Variants in TTC28 observed in about 807,000 individuals in gnomAD.
The protein encoded by TTC28 is tetratricopeptide repeat domain 28, also known as tetratricopeptide repeat protein 28.
In TTC28, 61 loss-of-function variants were observed where a neutral mutation model predicts 198.0. The observed-to-expected ratio is 0.31, with a 90% CI of 0.25 to 0.38. The LOEUF (loss-of-function observed/expected upper bound fraction) is 0.38. TTC28 is among the 10% of genes least tolerant of loss of function. The probability of loss-of-function intolerance (pLI) is 1.00; values close to 1 mark genes in which losing one functional copy is unlikely to be tolerated. For synonymous variants in TTC28, 1,171 were observed against 1,297.8 expected, an observed-to-expected ratio of 0.90 and a Z score of 2.10; for missense variants, 2,678 against 3,164.0, an observed-to-expected ratio of 0.85 and a Z score of 3.69.
At chr22:28,116,129 C>G (rs1942622388) in intron 6 of TTC28, among the ~76,000 whole-genome samples, 1 of 152,150 alleles carries the variant, frequency 6.6e-6, no homozygotes, top group South Asian at 2.1e-4. Flanking sequence ...GGAGCAGGGT[C>G]AGTTCCTCTT....
chr22:28,677,367 C>A (rs969567195), intron 1 of TTC28, among the ~76,000 whole-genome samples: 2 of 151,812 alleles, frequency 1.3e-5, no homozygotes, highest in Non-Finnish European at 2.9e-5. Flanking sequence ...CAAAGATTGG[C>A]TGGGGGCAGT....
At chr22:28,256,006 C>G (rs1930885277) in intron 5 of TTC28, among the ~76,000 whole-genome samples, 1 of 151,712 alleles carries the variant, frequency 6.6e-6, no homozygotes, top group South Asian at 2.1e-4. Context: ...GGAAGAGTGA[C>G]TAGTCAGGAA....
intron 14 of TTC28, chr22:28,008,446 T>C (rs1404613278): frequency 1.3e-5 from 2 of 152,242 alleles, no homozygotes. Context: ...CCACACTTCA[T>C]GAATCACAAG....
At chr22:28,645,398 G>A (rs192819217) in intron 1 of TTC28, among the ~76,000 whole-genome samples, 116 of 152,094 alleles carry the variant, frequency 7.6e-4, no homozygotes, top group African/African-American at 2.6e-3. Flanking sequence ...GGAGGCCAAG[G>A]TGGGGGGATC....
intron 2 of TTC28, among the ~76,000 whole-genome samples, chr22:28,460,283 T>G (rs1027760846): frequency 1.3e-5 from 2 of 152,198 alleles, no homozygotes; most frequent in African/African-American, 2.4e-5. Context: ...GATGCTTTTT[T>G]TGTTTAACTA....
At position 27,993,288 on chromosome 22, in the gene TTC28, C is replaced by T. The variant is rs1460431951; in HGVS notation, c.5475G>A (p.Leu1825=). 1.3e-6 allele frequency: 2 copies of T among 1,528,614 alleles called. No individual in the cohort carries two copies. Among genetic ancestry groups the T allele is most frequent in the Non-Finnish European group, 1.8e-6 (2 of 1,137,164 alleles). The allele number at this position is 1,528,614 out of a possible 1,614,324, so 94.7% of individuals were successfully genotyped here. A position where few individuals can be genotyped will look rare whatever the true frequency, so the allele number is the denominator to read the frequency against. Residue 1825 remains leucine (L), a splice_region_variant and synonymous_variant, in exon 18 of 23, where the codon CTG becomes CTA. Coordinates refer to ENST00000397906, the MANE Select transcript of TTC28 (RefSeq NM_001145418.2). ...CCCAGCCCTACACCCACAGCTCACC[C>T]AGCAGGGACTGGAGTGTGCTGCTGC... The part of the protein sequence containing the change: ...QQCSSTLQSL[L]GLPNPALQAL...
chr22:28,017,629 C>T lies in TTC28; in HGVS notation c.4074-3237G>A, dbSNP rs548958795. The stretch of plus-strand genomic sequence containing the variant: ...CGGACAGAGGGCTGGGGATGCAGGC[C>T]GAAGAAGAAAGTGGGCCAGATGGGC... On this transcript the variant is annotated intron_variant, in intron 13 of 22. Transcript: ENST00000397906. Among the ~76,000 whole-genome samples the T allele has an allele frequency of 3.3e-5, 5 of 152,148 alleles. No homozygotes were observed. The South Asian group carries it at 6.2e-4, about 19-fold the overall frequency.
chr22:28,200,022 A>G (rs1006582789), intron 5 of TTC28, among the ~76,000 whole-genome samples: 1 of 152,162 alleles, frequency 6.6e-6, no homozygotes, highest in Non-Finnish European at 1.5e-5. Context: ...GTTGTTCTCT[A>G]TATATTTTCT....
At chr22:28,618,010 C>A (rs1299129849) in intron 2 of TTC28, among the ~76,000 whole-genome samples, 1 of 152,186 alleles carries the variant, frequency 6.6e-6, no homozygotes, top group African/African-American at 2.4e-5. Context: ...TGGTGGCTCA[C>A]GCCTGCAATC....
chr22:28,087,119 C>T (rs935557390), intron 12 of TTC28, among the ~76,000 whole-genome samples: 2 of 152,102 alleles, frequency 1.3e-5, no homozygotes, highest in African/African-American at 4.8e-5. Context: ...TGAAACTATT[C>T]CAATCAATAG....
chr22:28,171,765 A>C (rs1922704191), intron 5 of TTC28, among the ~76,000 whole-genome samples: 1 of 152,056 alleles, frequency 6.6e-6, no homozygotes, highest in Non-Finnish European at 1.5e-5. Flanking sequence ...AGTGGTAGAG[A>C]GCAGAAACAA....
rs375142178 is a variant in TTC28 at position 28,230,939 on chromosome 22, C to G, written c.933+65259G>C. Among the ~76,000 whole-genome samples, 11 of 152,158 alleles carry G rather than the reference C, an allele frequency of 7.2e-5. 1 individual carries two copies. In the Middle Eastern group the frequency reaches 0.01, roughly 141 times the overall value. On this transcript the variant is annotated intron_variant, in intron 5 of 22. Transcript: ENST00000397906. ...GAGATGTGTGCACCTATGTGGGAAGCCTGTACTGATGAAAAATGTATCAAG... is the reference window on the plus strand; with the variant it reads ...GAGATGTGTGCACCTATGTGGGAAGGCTGTACTGATGAAAAATGTATCAAG...
intron 6 of TTC28, among the ~76,000 whole-genome samples, chr22:28,143,806 T>TAAGGGAAGAAAGTTATTTTTTCACCAGC (rs1569160805): frequency 4.6e-5 from 7 of 152,272 alleles, no homozygotes; most frequent in African/African-American, 1.7e-4. Flanking sequence ...TAAAACCATA[T>TAAGGGAAGAAAGTTATTTTTTCACCAGC]AAGGGAAGAA....
At chr22:28,495,611 C>CA (rs2048444182) in intron 2 of TTC28, among the ~76,000 whole-genome samples, 1 of 151,942 alleles carries the variant, frequency 6.6e-6, no homozygotes, top group Non-Finnish European at 1.5e-5. Flanking sequence ...CTATGGGATA[C>CA]AAAAAATAGT....
intron 2 of TTC28, among the ~76,000 whole-genome samples, chr22:28,592,522 A>G (rs1769853308): frequency 6.6e-6 from 1 of 152,132 alleles, no homozygotes; most frequent in Non-Finnish European, 1.5e-5. Context: ...AGTGGGCCTA[A>G]GTTGATTTGA....
chr22:28,020,741 T>C (rs1401695425), intron 13 of TTC28, among the ~76,000 whole-genome samples: 1 of 152,038 alleles, frequency 6.6e-6, no homozygotes, highest in Non-Finnish European at 1.5e-5. Flanking sequence ...AGTTAATTCA[T>C]GGTGCAGACA....
At chr22:28,008,206 T>C (rs1160420526) in intron 14 of TTC28, 1 of 152,240 alleles carries the variant, frequency 6.6e-6, no homozygotes, top group Non-Finnish European at 1.5e-5. Context: ...AGGGGTATTT[T>C]ACAAAACACA....
intron 2 of TTC28, among the ~76,000 whole-genome samples, chr22:28,448,740 G>A (rs2047736468): frequency 6.6e-6 from 1 of 152,128 alleles, no homozygotes; most frequent in South Asian, 2.1e-4. Flanking sequence ...CACAGCCCAG[G>A]TGATGCAGGA....
intron 12 of TTC28, among the ~76,000 whole-genome samples, chr22:28,077,263 C>T (rs1941200168): frequency 6.6e-6 from 1 of 152,158 alleles, no homozygotes; most frequent in Admixed American, 6.5e-5. Flanking sequence ...TATTACACCT[C>T]AAGTGTAAAG....
Sources: gnomAD v4.1 joint callset for allele counts (sites outside exome capture counted in the v4.1 genomes callset) on GRCh38, gnomAD v4.1.1 for gene constraint, MANE v1.5 for transcripts, NCBI Gene and HGNC (gene_info 2026-07-23, HGNC 2026-07-21) for gene names.